SLC25A32: variants seen among roughly 807,000 people sequenced by gnomAD.
SLC25A32 encodes Glycine auxotroph B, complementation of hamster.
SLC25A32 carries 32 observed loss-of-function variants against 39.0 expected under a neutral mutation model. The ratio of observed to expected loss-of-function variants is 0.82; its 90% CI spans 0.62 to 1.10. The LOEUF is 1.10. Ranked by LOEUF, SLC25A32 falls within the 50% of genes least tolerant of loss-of-function variation. The probability of loss-of-function intolerance (pLI) is 0.00; values close to 1 mark genes in which losing one functional copy is unlikely to be tolerated. For synonymous variants in SLC25A32, 166 were observed against 152.4 expected, an observed-to-expected ratio of 1.09 and a Z score of -0.66; for missense variants, 367 against 395.3, an observed-to-expected ratio of 0.93 and a Z score of 0.61.
Position 103,399,517 on chromosome 8 carries a change from A to T in SLC25A32, c.*894T>A, listed in dbSNP as rs971119641. 1 of 152,242 alleles carries T rather than the reference A, an allele frequency of 6.6e-6. No individual in the cohort carries two copies. 9.4% of individuals were successfully genotyped at this position (152,242 alleles called of 1,614,324 possible). A position where few individuals can be genotyped will look rare whatever the true frequency, so the allele number is the denominator to read the frequency against. On this transcript the variant is annotated 3_prime_UTR_variant, in exon 7 of 7. Transcript: ENST00000297578. ...TCAGATATTTCTCTGAGAAGTATAT[A>T]GTTTCTCAATTTTCGCTAGGTAGTG...
Position 103,400,126 on chromosome 8 carries a change from C to A in SLC25A32, c.*285G>T. 1 of 375,866 alleles carries A rather than the reference C, an allele frequency of 2.7e-6. No individual in the cohort carries two copies. The highest frequency in any genetic ancestry group is 4.8e-6 in the Non-Finnish European group (1 of 208,372). 23.3% of individuals were successfully genotyped at this position (375,866 alleles called of 1,614,324 possible). A position where few individuals can be genotyped will look rare whatever the true frequency, so the allele number is the denominator to read the frequency against. On this transcript the variant is annotated 3_prime_UTR_variant, in exon 7 of 7. Transcript: ENST00000297578. ...TTAGCAAATGTTGCAAATCAGCTTC[C>A]ACCAATAAAACGTAGAAATCTGTGA... is the stretch of plus-strand genomic sequence containing the variant.
chr8:103,410,060 CCT>C (rs1816426849), intron 1 of SLC25A32, among the ~76,000 whole-genome samples: 1 of 152,086 alleles, frequency 6.6e-6, no homozygotes, highest in Non-Finnish European at 1.5e-5. Context: ...TGTATAGATC[CCT>C]TTTTCTAAGA....
chr8:103,413,788 G>C (rs1339746026), intron 1 of SLC25A32, among the ~76,000 whole-genome samples: 1 of 152,120 alleles, frequency 6.6e-6, no homozygotes, highest in Non-Finnish European at 1.5e-5. Context: ...CCTTCTATGG[G>C]AAACCCCAAG....
intron 2 of SLC25A32, among the ~76,000 whole-genome samples, chr8:103,406,454 C>A (rs542839835): frequency 7.9e-5 from 12 of 152,228 alleles, no homozygotes; most frequent in Non-Finnish European, 1.6e-4. Context: ...CAGAGCAGCA[C>A]ATGCTCCTGC....
chr8:103,414,112 T>C (rs1014732569), intron 1 of SLC25A32, among the ~76,000 whole-genome samples: 1 of 152,242 alleles, frequency 6.6e-6, no homozygotes, highest in African/African-American at 2.4e-5. Context: ...GAACTTAACT[T>C]GTAATAACTT....
Position 103,414,835 on chromosome 8 carries a change from A to C in SLC25A32, c.103T>G (p.Leu35Val), listed in dbSNP as rs539672574. The stretch of plus-strand genomic sequence containing the variant: ...AGCGGATGCAGCGCAAGGTTGGATA[A>C]GACGCCGCCGCTCACGCCCGCTATC... ...NLIAGVSGGV[L>V]SNLALHPLDL... The change falls in exon 1 of 7, where the codon TTA becomes GTA. Residue 35 changes from leucine to valine, a missense_variant. Physicochemically the swap from Leu to Val is conservative, Grantham distance 32. Coordinates refer to ENST00000297578, the MANE Select transcript of SLC25A32 (RefSeq NM_030780.5). 7.9e-5 allele frequency: 128 copies of C among 1,613,824 alleles called. No homozygotes were observed. The South Asian group carries it at 1.4e-3, about 17-fold the overall frequency.
At chr8:103,403,391 A>G in intron 3 of SLC25A32, 67 bp from the exon 4 acceptor site, 2 of 822,672 alleles carry the variant, frequency 2.4e-6, no homozygotes, top group South Asian at 4.9e-5. Context: ...AACCCAAATT[A>G]GAAACAGTAC....
intron 1 of SLC25A32, among the ~76,000 whole-genome samples, chr8:103,413,937 G>A (rs1408294519): frequency 1.3e-5 from 2 of 152,138 alleles, no homozygotes; most frequent in Admixed American, 1.3e-4. Context: ...ATATGACTAA[G>A]TCTAACGCCT....
At chr8:103,403,923 G>T (rs912354001) in intron 3 of SLC25A32, among the ~76,000 whole-genome samples, 2 of 152,112 alleles carry the variant, frequency 1.3e-5, no homozygotes, top group African/African-American at 4.8e-5. Flanking sequence ...TTTCTCATTT[G>T]CCAGGTTTCC....
At position 103,400,426 on chromosome 8, in the gene SLC25A32, T is replaced by C; in HGVS notation, c.933A>G (p.Arg311=). The stretch of plus-strand genomic sequence containing the variant: ...CTCTTTGAGCTTACTTTCTCTTTTC[T>C]CTAAGGTCAAGTAAAAAATGTGAGA... The part of the protein sequence containing the change: ...ENVSHFLLDL[R]EKRK The change falls in exon 7 of 7, where the codon AGA becomes AGG. Residue 311 remains arginine, a synonymous_variant. Coordinates refer to ENST00000297578, the MANE Select transcript of SLC25A32 (RefSeq NM_030780.5). 1 of 1,614,142 alleles carries C rather than the reference T, an allele frequency of 6.2e-7. No individual in the cohort carries two copies. The highest frequency in any genetic ancestry group is 8.5e-7 in the Non-Finnish European group (1 of 1,180,000).
At chr8:103,409,515 C>T (rs916089509) in intron 1 of SLC25A32, among the ~76,000 whole-genome samples, 2 of 151,954 alleles carry the variant, frequency 1.3e-5, no homozygotes, top group Non-Finnish European at 2.9e-5. Flanking sequence ...CTTATTACTG[C>T]CTTAGAATTA....
intron 2 of SLC25A32, among the ~76,000 whole-genome samples, chr8:103,406,457 G>A (rs943585621): frequency 4.6e-5 from 7 of 152,228 alleles, no homozygotes; most frequent in African/African-American, 1.7e-4. Context: ...AGCAGCACAT[G>A]CTCCTGCAAT....
At chr8:103,408,207 A>C (rs1330142270) in intron 1 of SLC25A32, among the ~76,000 whole-genome samples, 1 of 151,544 alleles carries the variant, frequency 6.6e-6, no homozygotes, top group East Asian at 1.9e-4. Context: ...GCCTGGTCTC[A>C]AACCCCTGAC....
Position 103,400,603 on chromosome 8 carries a change from G to C in SLC25A32, c.813-57C>G, listed in dbSNP as rs74387812. 5.1e-6 allele frequency: 8 copies of C among 1,577,986 alleles called. No homozygotes were observed. The African/African-American group carries it at 8.1e-5, about 16-fold the overall frequency. ...TTGTATAGAGCTAGCTTGAAAACAC[G>C]GAAGTTCTAACTGACACAAGGCATG... On this transcript the variant is annotated intron_variant, in intron 6 of 6. Coordinates refer to ENST00000297578, the MANE Select transcript of SLC25A32 (RefSeq NM_030780.5).
At chr8:103,404,219 T>C (rs1816278070) in intron 3 of SLC25A32, among the ~76,000 whole-genome samples, 1 of 152,222 alleles carries the variant, frequency 6.6e-6, no homozygotes, top group Non-Finnish European at 1.5e-5. Flanking sequence ...TAGGGATTCA[T>C]AACTTTTCTA....
At chr8:103,409,504 G>A in intron 1 of SLC25A32, among the ~76,000 whole-genome samples, 1 of 151,850 alleles carries the variant, frequency 6.6e-6, no homozygotes, top group Non-Finnish European at 1.5e-5. Flanking sequence ...CTGCATGAAT[G>A]CTTATTACTG....
chr8:103,407,098 A>C (rs1816350195), intron 2 of SLC25A32, among the ~76,000 whole-genome samples: 1 of 152,314 alleles, frequency 6.6e-6, no homozygotes, highest in South Asian at 2.1e-4. Context: ...TAATCTAGTA[A>C]TATTTTGACT....
intron 1 of SLC25A32, among the ~76,000 whole-genome samples, chr8:103,410,354 T>C (rs1374920118): frequency 1.3e-5 from 2 of 152,194 alleles, no homozygotes; most frequent in Non-Finnish European, 2.9e-5. Context: ...CGAGCGAAGC[T>C]TCATCTGTAC....
chr8:103,406,875 T>C (rs541426282), intron 2 of SLC25A32, among the ~76,000 whole-genome samples: 2 of 152,340 alleles, frequency 1.3e-5, no homozygotes, highest in South Asian at 4.1e-4. Flanking sequence ...TCAGTATTTA[T>C]AAAATTTTCT....
Sources: gnomAD v4.1 joint callset for allele counts (sites outside exome capture counted in the v4.1 genomes callset) on GRCh38, gnomAD v4.1.1 for gene constraint, MANE v1.5 for transcripts, NCBI Gene and HGNC (gene_info 2026-07-23, HGNC 2026-07-21) for gene names.